The following LRP6 variants were observed in gnomAD, a reference collection of about 807,000 sequenced individuals.
The protein encoded by LRP6 is LDL receptor related protein 6, also known as low-density lipoprotein receptor-related protein 6.
In LRP6, 43 loss-of-function variants were observed where a neutral mutation model predicts 184.1. The ratio of observed to expected loss-of-function variants is 0.23; its 90% confidence interval spans 0.18 to 0.30. The LOEUF (loss-of-function observed/expected upper bound fraction) is 0.30. Ranked by LOEUF, LRP6 falls within the 10% of genes least tolerant of loss-of-function variation. The pLI, the probability that LRP6 is intolerant of heterozygous loss-of-function variation, is 1.00. For missense variants in LRP6, 1,571 were observed against 2,005.3 expected, an observed-to-expected ratio of 0.78 and a Z score of 4.14; for synonymous variants, 719 against 684.9, an observed-to-expected ratio of 1.05 and a Z score of -0.78.
intron 7 of LRP6, among the ~76,000 whole-genome samples, chr12:12,173,661 A>G (rs991517534): frequency 3.9e-5 from 6 of 151,936 alleles, no homozygotes; most frequent in African/African-American, 1.5e-4. Context: ...TTTTCTGTAG[A>G]GCCGGGGATC....
chr12:12,178,087 T>C (rs1025185634), intron 7 of LRP6, among the ~76,000 whole-genome samples: 1 of 152,156 alleles, frequency 6.6e-6, no homozygotes, highest in Non-Finnish European at 1.5e-5. Context: ...GGAATTCTAA[T>C]TTTAAAATCT....
intron 7 of LRP6, among the ~76,000 whole-genome samples, chr12:12,169,511 A>G (rs890480758): frequency 6.6e-6 from 1 of 152,204 alleles, no homozygotes; most frequent in African/African-American, 2.4e-5. Flanking sequence ...AGAAGAGAGC[A>G]AAGCAAACAA....
chr12:12,221,608 C>T (rs889201773), intron 2 of LRP6, among the ~76,000 whole-genome samples: 22 of 152,116 alleles, frequency 1.4e-4, no homozygotes, highest in Non-Finnish European at 2.4e-4. Flanking sequence ...GGTCTGGGCT[C>T]GAACTCAGGA....
At chr12:12,237,673 A>G (rs1415449946) in intron 2 of LRP6, among the ~76,000 whole-genome samples, 6 of 152,264 alleles carry the variant, frequency 3.9e-5, no homozygotes, top group Non-Finnish European at 7.3e-5. Context: ...CCAAAAATGT[A>G]TAACTTTAAT....
chr12:12,251,012 C>T (rs748643326), intron 1 of LRP6, among the ~76,000 whole-genome samples: 4 of 151,688 alleles, frequency 2.6e-5, no homozygotes, highest in Non-Finnish European at 4.4e-5. Context: ...CTTAATGTAA[C>T]CTTCACCTCC....
intron 12 of LRP6, chr12:12,155,361 T>G: frequency 1.3e-6 from 1 of 769,696 alleles, no homozygotes; most frequent in Non-Finnish European, 2.4e-6. Context: ...TATGCAAATC[T>G]GTAAGAAAGG....
intron 2 of LRP6, among the ~76,000 whole-genome samples, chr12:12,206,468 G>A (rs920426167): frequency 1.3e-4 from 19 of 151,076 alleles, no homozygotes; most frequent in African/African-American, 4.1e-4. Flanking sequence ...GCGTGAACCC[G>A]GGACGCGGAG....
At chr12:12,168,327 A>T (rs1044491674) in intron 7 of LRP6, among the ~76,000 whole-genome samples, 2 of 152,226 alleles carry the variant, frequency 1.3e-5, no homozygotes, top group African/African-American at 2.4e-5. Flanking sequence ...AAATAATAGC[A>T]GTTGAAATTC....
chr12:12,221,656 T>C (rs747734781), intron 2 of LRP6, among the ~76,000 whole-genome samples: 2 of 152,244 alleles, frequency 1.3e-5, no homozygotes, highest in Non-Finnish European at 2.9e-5. Flanking sequence ...GGAATTCTAA[T>C]GCACTCACAC....
At chr12:12,199,390 A>G (rs1863855264) in intron 3 of LRP6, among the ~76,000 whole-genome samples, 1 of 152,206 alleles carries the variant, frequency 6.6e-6, no homozygotes, top group Non-Finnish European at 1.5e-5. Context: ...AAGGTAAGAT[A>G]GGAAAAAAGG....
At position 12,225,871 on chromosome 12, in the gene LRP6, C is replaced by CAAAA. The variant is rs748835751; in HGVS notation, c.449+18387_449+18390dup. Among the ~76,000 whole-genome samples the CAAAA allele has an allele frequency of 2.5e-3, 291 of 117,120 alleles. 2 individuals are homozygous for CAAAA. The highest frequency in any genetic ancestry group is 8.3e-3 in the African/African-American group (262 of 31,502). 76.8% of individuals were successfully genotyped at this position (117,120 alleles called of 152,430 possible). ...TAGGCGACAGAGAAAGACTGTGTCTCAAAAAAAAAAAAAAAGAGAGAGACC... is the reference window on the plus strand; with the variant it reads ...TAGGCGACAGAGAAAGACTGTGTCTCAAAAAAAAAAAAAAAAAAAGAGAGAGACC... On this transcript the variant is annotated intron_variant, in intron 2 of 22. Coordinates refer to ENST00000261349, the MANE Select transcript of LRP6 (RefSeq NM_002336.3).
chr12:12,214,940 C>A (rs1016219049), intron 2 of LRP6, among the ~76,000 whole-genome samples: 1 of 152,238 alleles, frequency 6.6e-6, no homozygotes, highest in African/African-American at 2.4e-5. Context: ...ACAACTCATT[C>A]ATCATGATTG....
chr12:12,177,892 A>C (rs1407055487), intron 7 of LRP6, among the ~76,000 whole-genome samples: 2 of 151,676 alleles, frequency 1.3e-5, no homozygotes, highest in Non-Finnish European at 2.9e-5. Flanking sequence ...GAATGAATGA[A>C]GGAACAAATG....
At chr12:12,163,150 AT>A (rs1862781986) in intron 9 of LRP6, among the ~76,000 whole-genome samples, 1 of 151,724 alleles carries the variant, frequency 6.6e-6, no homozygotes, top group Non-Finnish European at 1.5e-5. Flanking sequence ...TAATTTTTGT[AT>A]TTTTAGTAGA....
At chr12:12,199,964 CAAAAAAAAAAAA>C (rs146224493) in intron 3 of LRP6, among the ~76,000 whole-genome samples, 8 of 45,202 alleles carry the variant, frequency 1.8e-4, no homozygotes, top group Admixed American at 8.2e-4. Flanking sequence ...GACTCCATCT[CAAAAAAAAAAAA>C]AAAAAAAAAA....
At position 12,131,813 on chromosome 12, in the gene LRP6, C is replaced by G; in HGVS notation, c.3970+8G>C. The stretch of plus-strand genomic sequence containing the variant: ...TTGCATGCTGAGGCACTGAAGAATT[C>G]TGGATACCTTCACAGTTCTTCTCAT... On this transcript the variant is annotated splice_region_variant and intron_variant, in intron 18 of 22. Coordinates refer to ENST00000261349, the MANE Select transcript of LRP6 (RefSeq NM_002336.3). 1 of 1,610,342 alleles carries G rather than the reference C, an allele frequency of 6.2e-7. No individual in the cohort carries two copies. The highest frequency in any genetic ancestry group is 2.2e-5 in the East Asian group (1 of 44,862).
intron 2 of LRP6, among the ~76,000 whole-genome samples, chr12:12,243,556 G>C (rs950061834): frequency 1.3e-5 from 2 of 151,906 alleles, no homozygotes; most frequent in East Asian, 3.8e-4. Context: ...AATAAATACA[G>C]AAGAAAACCC....
chr12:12,121,154 G>A lies in LRP6; in HGVS notation c.4814C>T (p.Pro1605Leu), dbSNP rs781183045. 1 of 1,613,308 alleles carries A rather than the reference G, an allele frequency of 6.2e-7. No individual in the cohort carries two copies. The highest frequency in any genetic ancestry group is 1.1e-5 in the South Asian group (1 of 91,004). Reference protein sequence around the residue: ...RSYSHHLYPPPPSPCTDSS With the variant: ...RSYSHHLYPPLPSPCTDSS Reference sequence around the variant, plus strand: ...GGAGGAGTCTGTACAGGGAGAGGGTGGCGGTGGGTAGAGGTGATGAGAATA... The same window carrying A: ...GGAGGAGTCTGTACAGGGAGAGGGTAGCGGTGGGTAGAGGTGATGAGAATA... The change falls in exon 23 of 23, where the codon CCA becomes CTA. Residue 1605 changes from proline to leucine, a missense_variant. By Grantham distance (98) the Pro-to-Leu change is moderately conservative (BLOSUM62 -3). This residue lies in a region of LRP6 where 763 missense variants were observed against 859.5 expected (regional missense o/e 0.89). Transcript: ENST00000261349.
At chr12:12,204,437 T>C (rs1394424056) in intron 2 of LRP6, among the ~76,000 whole-genome samples, 1 of 152,082 alleles carries the variant, frequency 6.6e-6, no homozygotes. Flanking sequence ...AAAACTGATG[T>C]AGTGTCAAAT....
Sources: gnomAD v4.1 joint callset for allele counts (sites outside exome capture counted in the v4.1 genomes callset) on GRCh38, gnomAD v4.1.1 for gene constraint, gnomAD v4.1.1 regional missense constraint, MANE v1.5 for transcripts, NCBI Gene and HGNC (gene_info 2026-07-23, HGNC 2026-07-21) for gene names.